The following KIF1B variants were observed in gnomAD, a reference collection of about 807,000 sequenced individuals.
The protein encoded by KIF1B is kinesin-like protein KIF1B.
In KIF1B, 76 loss-of-function variants were observed where a neutral mutation model predicts 241.9. The observed-to-expected ratio is 0.31, with a 90% CI of 0.26 to 0.38. The LOEUF is 0.38. Among genes scored for constraint, KIF1B ranks in the 10% least tolerant of loss-of-function variants. The probability of loss-of-function intolerance (pLI) is 1.00; values close to 1 mark genes in which losing one functional copy is unlikely to be tolerated. For missense variants in KIF1B, 1,622 were observed against 2,271.4 expected (o/e 0.71, Z 5.81); for synonymous variants, 750 against 796.7 (o/e 0.94, Z 0.99).
rs1432401534 is a variant in KIF1B at position 10,334,574 on chromosome 1, G to A, written c.2979G>A (p.Val993=). 1.2e-5 allele frequency: 19 copies of A among 1,614,094 alleles called. No homozygotes were observed. The highest frequency in any genetic ancestry group is 1.6e-5 in the Non-Finnish European group (19 of 1,179,960). The stretch of plus-strand genomic sequence containing the variant: ...ATCCCGTGCCCCTGATCCACAGGGT[G>A]GCCATCGTCAGTGAGAAAGGTGAAG... ...LLYPVPLIHR[V]AIVSEKGEVR... Residue 993 remains valine, a synonymous_variant, in exon 28 of 49, where the codon GTG becomes GTA. Transcript: ENST00000676179.
At chr1:10,218,380 T>C (rs948268371) in intron 1 of KIF1B, among the ~76,000 whole-genome samples, 1 of 152,144 alleles carries the variant, frequency 6.6e-6, no homozygotes, top group Admixed American at 6.5e-5. Flanking sequence ...TTTTTCTGGC[T>C]ACTCACATGG....
intron 1 of KIF1B, among the ~76,000 whole-genome samples, chr1:10,222,711 A>G (rs1646860558): frequency 1.3e-5 from 2 of 152,210 alleles, no homozygotes; most frequent in Non-Finnish European, 2.9e-5. Flanking sequence ...AATTAGACCT[A>G]AATGTTTTAT....
intron 31 of KIF1B, among the ~76,000 whole-genome samples, chr1:10,339,492 T>C (rs895311085): frequency 1.3e-5 from 2 of 152,240 alleles, no homozygotes; most frequent in Non-Finnish European, 2.9e-5. Flanking sequence ...GAGGAGTTAA[T>C]TGAATGTACT....
At chr1:10,341,706 C>T (rs574657729) in intron 32 of KIF1B, among the ~76,000 whole-genome samples, 11 of 152,174 alleles carry the variant, frequency 7.2e-5, no homozygotes, top group Non-Finnish European at 1.5e-4. Context: ...CATAGTGGCT[C>T]ATGCCTGTAA....
chr1:10,223,097 C>T (rs545856203), intron 1 of KIF1B, among the ~76,000 whole-genome samples: 2 of 151,464 alleles, frequency 1.3e-5, no homozygotes, highest in South Asian at 4.2e-4. Flanking sequence ...ACTAAAAATA[C>T]AAAAATTAGC....
At chr1:10,222,827 G>C (rs1456192463) in intron 1 of KIF1B, among the ~76,000 whole-genome samples, 3 of 152,210 alleles carry the variant, frequency 2.0e-5, no homozygotes, top group Non-Finnish European at 1.5e-5. Context: ...GAACAGTTTA[G>C]AACTCAGGCT....
At chr1:10,273,731 AAAAAAAAAC>A (rs1557680849) in intron 10 of KIF1B, among the ~76,000 whole-genome samples, 6 of 88,860 alleles carry the variant, frequency 6.8e-5, no homozygotes, top group African/African-American at 1.8e-4. Flanking sequence ...AAAAAAAAAA[AAAAAAAAAC>A]CCAACAAACA....
At chr1:10,258,318 G>C (rs1647919344) in intron 3 of KIF1B, among the ~76,000 whole-genome samples, 175 bp from the exon 4 acceptor site, 2 of 152,146 alleles carry the variant, frequency 1.3e-5, no homozygotes, top group Non-Finnish European at 2.9e-5. Flanking sequence ...GTGTGTGTGT[G>C]CATGTGCGTG....
At position 10,245,020 on chromosome 1, in the gene KIF1B, A is replaced by T. The variant is rs569095401; in HGVS notation, c.107-11227A>T. On this transcript the variant is annotated intron_variant, in intron 2 of 48. Transcript: ENST00000676179. Reference sequence around the variant, plus strand: ...TAAACGTGCTTGGTTACTAAAGTTAATATAAAGTTACAGTGTTGCCACACA... The same window carrying T: ...TAAACGTGCTTGGTTACTAAAGTTATTATAAAGTTACAGTGTTGCCACACA... 2.0e-5 allele frequency among the ~76,000 whole-genome samples: 3 copies of T among 152,338 alleles called. No homozygotes were observed. In the East Asian group the frequency reaches 5.8e-4, roughly 29 times the overall value.
chr1:10,308,352 T>C, intron 22 of KIF1B: 6 of 1,052,988 alleles, frequency 5.7e-6, no homozygotes, highest in Non-Finnish European at 6.9e-6. Context: ...GTTCTAGATA[T>C]TCTTAGCTTG....
At chr1:10,371,065 T>C in intron 44 of KIF1B, 76 bp from the exon 45 acceptor site, 1 of 1,578,404 alleles carries the variant, frequency 6.3e-7, no homozygotes, top group South Asian at 1.1e-5. Flanking sequence ...GTTCTGGTTG[T>C]TGAAACTCCC....
At position 10,348,635 on chromosome 1, in the gene KIF1B, G is replaced by A; in HGVS notation, c.3865-14G>A. 1 of 1,610,278 alleles carries A rather than the reference G, an allele frequency of 6.2e-7. No individual in the cohort carries two copies. Reference sequence around the variant, plus strand: ...ATTGCTTCAGCTAAATTGCAACCCTGCTTCATTACCTAGGGCATCCAGCGA... The same window carrying A: ...ATTGCTTCAGCTAAATTGCAACCCTACTTCATTACCTAGGGCATCCAGCGA... On this transcript the variant is annotated splice_polypyrimidine_tract_variant and intron_variant, in intron 36 of 48. Transcript: ENST00000676179.
intron 2 of KIF1B, among the ~76,000 whole-genome samples, chr1:10,232,976 T>C (rs896547767): frequency 1.3e-5 from 2 of 152,222 alleles, no homozygotes; most frequent in Admixed American, 6.5e-5. Context: ...GTTTCTTTTA[T>C]ACCTGCATTA....
At chr1:10,333,546 G>A (rs989546644) in intron 27 of KIF1B, among the ~76,000 whole-genome samples, 1 of 151,584 alleles carries the variant, frequency 6.6e-6, no homozygotes, top group African/African-American at 2.4e-5. Flanking sequence ...AAAAAAATTA[G>A]CTGGGCATGG....
chr1:10,235,787 G>A (rs530016604), intron 2 of KIF1B, among the ~76,000 whole-genome samples: 5 of 148,326 alleles, frequency 3.4e-5, no homozygotes, highest in East Asian at 4.1e-4. Context: ...ACTTGAACCC[G>A]GGAGGTGGAG....
chr1:10,212,719 A>G (rs909518593), intron 1 of KIF1B, among the ~76,000 whole-genome samples: 27 of 151,848 alleles, frequency 1.8e-4, no homozygotes, highest in African/African-American at 6.5e-4. Flanking sequence ...CTCTGTCTCT[A>G]CAAAAATAAA....
At chr1:10,305,676 T>A in intron 22 of KIF1B, 2 of 1,057,762 alleles carry the variant, frequency 1.9e-6, no homozygotes, top group Non-Finnish European at 2.3e-6. Context: ...TAGTAATGCT[T>A]GTAGACACTC....
At chr1:10,224,969 T>A (rs922426990) in intron 1 of KIF1B, among the ~76,000 whole-genome samples, 1 of 152,136 alleles carries the variant, frequency 6.6e-6, no homozygotes, top group Admixed American at 6.5e-5. Flanking sequence ...TAGATTCTCA[T>A]AAGGAGTGTG....
chr1:10,377,859 C>G lies in KIF1B; in HGVS notation c.*1272C>G, dbSNP rs1638929314. On this transcript the variant is annotated 3_prime_UTR_variant, in exon 49 of 49. Coordinates refer to ENST00000676179, the MANE Select transcript of KIF1B (RefSeq NM_001365951.3). ...CCTGAGGCAGGAGAACTGCTTGAACCCAGGAGGCAGAGGTTGCAGTGAGCC... is the reference window on the plus strand; with the variant it reads ...CCTGAGGCAGGAGAACTGCTTGAACGCAGGAGGCAGAGGTTGCAGTGAGCC... 5.4e-6 allele frequency: 1 copy of G among 186,480 alleles called. No homozygotes were observed. Among genetic ancestry groups the G allele is most frequent in the South Asian group, 1.8e-4 (1 of 5,688 alleles). 11.6% of individuals were successfully genotyped at this position (186,480 alleles called of 1,614,324 possible). A position where few individuals can be genotyped will look rare whatever the true frequency, so the allele number is the denominator to read the frequency against.
Sources: allele counts gnomAD v4.1 joint callset (sites outside exome capture counted in the v4.1 genomes callset), GRCh38; gene constraint gnomAD v4.1.1; transcripts MANE v1.5; gene names NCBI Gene and HGNC (gene_info 2026-07-23, HGNC 2026-07-21).